Variants in ASIC2 observed in about 807,000 individuals in gnomAD.
The protein encoded by ASIC2 is acid sensing ion channel subunit 2.
In ASIC2, 25 loss-of-function variants were observed where a neutral mutation model predicts 57.3. The observed-to-expected ratio is 0.44, with a 90% CI of 0.32 to 0.61. The LOEUF is 0.61. ASIC2 is among the 20% of genes least tolerant of loss of function. ASIC2 has a pLI of 0.06. For missense variants in ASIC2, 641 were observed against 738.1 expected (o/e 0.87, Z 1.52); for synonymous variants, 319 against 307.5 (o/e 1.04, Z -0.39).
intron 1 of ASIC2, among the ~76,000 whole-genome samples, chr17:33,315,366 A>G (rs1317206406): frequency 6.6e-6 from 1 of 152,260 alleles, no homozygotes; most frequent in Non-Finnish European, 1.5e-5. Context: ...GAATAAAGAC[A>G]TGAAAGAAGA....
chr17:33,861,294 A>C (rs1914094196), intron 1 of ASIC2, among the ~76,000 whole-genome samples: 2 of 152,250 alleles, frequency 1.3e-5, no homozygotes, highest in South Asian at 2.1e-4. Context: ...ATATTAAATG[A>C]AAAACGCAGA....
intron 3 of ASIC2, among the ~76,000 whole-genome samples, chr17:33,086,739 A>G (rs1033034615): frequency 2.0e-5 from 3 of 151,916 alleles, no homozygotes; most frequent in Non-Finnish European, 2.9e-5. Flanking sequence ...TGCCAAGAGA[A>G]TTTACTCTTT....
At chr17:33,162,853 T>C (rs1905200195) in intron 1 of ASIC2, among the ~76,000 whole-genome samples, 1 of 152,232 alleles carries the variant, frequency 6.6e-6, no homozygotes, top group African/African-American at 2.4e-5. Context: ...TAGGTCACTC[T>C]GTGGTTCATC....
At chr17:33,850,655 T>C (rs1474831769) in intron 1 of ASIC2, among the ~76,000 whole-genome samples, 2 of 152,182 alleles carry the variant, frequency 1.3e-5, no homozygotes, top group Non-Finnish European at 2.9e-5. Context: ...AGCACACATA[T>C]AATAGAGTCA....
intron 1 of ASIC2, among the ~76,000 whole-genome samples, chr17:33,168,814 T>C (rs546736680): frequency 3.9e-5 from 6 of 152,220 alleles, no homozygotes; most frequent in Admixed American, 3.3e-4. Flanking sequence ...GTGAAAAGAT[T>C]TGAAAAACTC....
chr17:33,147,119 A>G (rs1207041630), intron 1 of ASIC2, among the ~76,000 whole-genome samples: 2 of 152,238 alleles, frequency 1.3e-5, no homozygotes, highest in Non-Finnish European at 2.9e-5. Context: ...GGTAAACTGG[A>G]CAATATGACA....
chr17:34,044,024 C>T (rs1183858863), intron 1 of ASIC2, among the ~76,000 whole-genome samples: 1 of 152,134 alleles, frequency 6.6e-6, no homozygotes, highest in Non-Finnish European at 1.5e-5. Context: ...TGAGGACACA[C>T]AAAGATGCAA....
At chr17:33,547,603 C>T (rs548963227) in intron 1 of ASIC2, among the ~76,000 whole-genome samples, 54 of 152,238 alleles carry the variant, frequency 3.5e-4, no homozygotes, top group African/African-American at 1.1e-3. Flanking sequence ...TATGGATAGT[C>T]GCCCCATCCT....
chr17:33,414,240 G>A (rs1203913326), intron 1 of ASIC2, among the ~76,000 whole-genome samples: 1 of 152,204 alleles, frequency 6.6e-6, no homozygotes. Flanking sequence ...CAAAGAGGAG[G>A]GGAGAGTGGA....
At chr17:34,076,761 A>G (rs1909676016) in intron 1 of ASIC2, among the ~76,000 whole-genome samples, 1 of 152,220 alleles carries the variant, frequency 6.6e-6, no homozygotes. Flanking sequence ...TTCTGACTCC[A>G]TGAGGCTCAG....
At chr17:33,299,374 T>C (rs535122540) in intron 1 of ASIC2, among the ~76,000 whole-genome samples, 7 of 152,302 alleles carry the variant, frequency 4.6e-5, no homozygotes, top group African/African-American at 1.7e-4. Flanking sequence ...GGGACACCTG[T>C]ACTGGTGGAA....
At chr17:33,809,529 G>C (rs1912360509) in intron 1 of ASIC2, among the ~76,000 whole-genome samples, 1 of 152,208 alleles carries the variant, frequency 6.6e-6, no homozygotes, top group East Asian at 1.9e-4. Context: ...TATGAAAATG[G>C]AATGAGCACA....
intron 1 of ASIC2, among the ~76,000 whole-genome samples, chr17:33,782,673 G>T (rs1911491713): frequency 6.6e-6 from 1 of 152,124 alleles, no homozygotes; most frequent in Admixed American, 6.5e-5. Flanking sequence ...AGGCTGCACT[G>T]AGCTGAGATC....
intron 1 of ASIC2, among the ~76,000 whole-genome samples, chr17:33,222,816 A>G (rs1907732754): frequency 6.6e-6 from 1 of 152,196 alleles, no homozygotes; most frequent in Non-Finnish European, 1.5e-5. Context: ...GCAGTACTCA[A>G]TCAATCAGTT....
intron 1 of ASIC2, among the ~76,000 whole-genome samples, chr17:33,193,888 G>T (rs1217887425): frequency 1.3e-5 from 2 of 152,114 alleles, no homozygotes; most frequent in African/African-American, 4.8e-5. Flanking sequence ...GCCTTCCTTG[G>T]CTTGGCCATC....
intron 1 of ASIC2, among the ~76,000 whole-genome samples, chr17:33,338,347 G>A (rs1218573963): frequency 3.2e-5 from 4 of 124,686 alleles, no homozygotes; most frequent in Admixed American, 3.2e-4. Flanking sequence ...GGGTAAGACA[G>A]GGGAGACAGT....
At chr17:33,191,901 C>T (rs1186602872) in intron 1 of ASIC2, among the ~76,000 whole-genome samples, 1 of 151,868 alleles carries the variant, frequency 6.6e-6, no homozygotes, top group Non-Finnish European at 1.5e-5. Context: ...TTCCTCAATC[C>T]TCCATTAATC....
chr17:33,409,654 C>A (rs1047316418), intron 1 of ASIC2, among the ~76,000 whole-genome samples: 1 of 152,186 alleles, frequency 6.6e-6, no homozygotes, highest in African/African-American at 2.4e-5. Context: ...CAGCAGGCAG[C>A]AGTATCTTCT....
Position 33,016,003 on chromosome 17 carries a change from C to T in ASIC2, c.1558G>A (p.Glu520Lys), listed in dbSNP as rs2091803836. Residue 520 changes from glutamate (E) to lysine (K), a missense_variant, in exon 9 of 10, where the codon GAG (glutamate) becomes AAG (lysine). Around this residue, in one of 3 missense-constraint regions of ASIC2, gnomAD observed 252 missense variants for 319.8 expected, o/e 0.79. Transcript: ENST00000225823. ...TCATCGTGGCTCCCTTCGTCCTCCT[C>T]TTTGCCAAGCAGGTCTAATAGCTTC... ...KEKLLDLLGK[E>K]EDEGSHDENV... is the part of the protein sequence containing the mutation. 1 of 1,614,146 alleles carries T rather than the reference C, an allele frequency of 6.2e-7. No homozygotes were observed. Among genetic ancestry groups the T allele is most frequent in the Non-Finnish European group, 8.5e-7 (1 of 1,180,014 alleles).
Sources: gnomAD v4.1 joint callset for allele counts (sites outside exome capture counted in the v4.1 genomes callset) on GRCh38, gnomAD v4.1.1 for gene constraint, gnomAD v4.1.1 regional missense constraint, MANE v1.5 for transcripts, NCBI Gene and HGNC (gene_info 2026-07-23, HGNC 2026-07-21) for gene names.